Variants in DPP6 observed in about 807,000 individuals in gnomAD.
DPP6 encodes dipeptidyl peptidase like 6, also known as A-type potassium channel modulatory protein DPP6.
Under a neutral mutation model 122.6 loss-of-function variants are expected in DPP6, and 69 were observed. That is an observed-to-expected ratio of 0.56 (90% CI 0.46 to 0.69). DPP6 has a LOEUF of 0.69. Ranked by LOEUF, DPP6 falls within the 30% of genes least tolerant of loss-of-function variation. DPP6 has a pLI of 0.00. For synonymous variants in DPP6, 418 were observed against 433.1 expected, an observed-to-expected ratio of 0.97 and a Z score of 0.43; for missense variants, 928 against 1,116.9, an observed-to-expected ratio of 0.83 and a Z score of 2.41.
chr7:154,629,813 G>T (rs2130891718), intron 5 of DPP6, among the ~76,000 whole-genome samples: 1 of 152,226 alleles, frequency 6.6e-6, no homozygotes, highest in Admixed American at 6.5e-5. Context: ...TAAGTGGACT[G>T]CACTAATGCT....
At chr7:154,050,868 G>A (rs1037528212), upstream of DPP6, among the ~76,000 whole-genome samples, 2 of 145,556 alleles carry the variant, frequency 1.4e-5, no homozygotes, top group Non-Finnish European at 3.0e-5. Flanking sequence ...GAAGATGAGC[G>A]TGGTACAAAT....
At chr7:154,545,678 G>A (rs186931976) in intron 4 of DPP6, among the ~76,000 whole-genome samples, 1 of 152,288 alleles carries the variant, frequency 6.6e-6, no homozygotes, top group Admixed American at 6.5e-5. Flanking sequence ...TGTTTCACCA[G>A]TGCTTAATAT....
intron 1 of DPP6, among the ~76,000 whole-genome samples, chr7:154,427,947 T>G (rs1818047910): frequency 6.6e-6 from 1 of 152,256 alleles, no homozygotes; most frequent in Non-Finnish European, 1.5e-5. Context: ...GTGTGAGTGG[T>G]ATGGAAGCAC....
intron 1 of DPP6, among the ~76,000 whole-genome samples, chr7:154,344,065 G>A (rs548790831): frequency 1.3e-5 from 2 of 152,172 alleles, no homozygotes; most frequent in African/African-American, 4.8e-5. Flanking sequence ...CCATGACATG[G>A]CAGAAGAAGA....
intron 7 of DPP6, among the ~76,000 whole-genome samples, chr7:154,675,886 A>G (rs1039678713): frequency 6.6e-6 from 1 of 152,190 alleles, no homozygotes; most frequent in Non-Finnish European, 1.5e-5. Context: ...ATTTTTCACC[A>G]AGATCCTTAG....
At chr7:153,830,057 T>C in the DPP6 span, among the ~76,000 whole-genome samples, 1 of 152,232 alleles carries the variant, frequency 6.6e-6, no homozygotes, top group Non-Finnish European at 1.5e-5. Flanking sequence ...TATGTGTTTA[T>C]AGGAGACTGA....
At chr7:154,864,140 T>G (rs3800573) in intron 17 of DPP6, among the ~76,000 whole-genome samples, 1 of 152,062 alleles carries the variant, frequency 6.6e-6, no homozygotes, top group Admixed American at 6.5e-5. Context: ...CCTAAGCCTC[T>G]GCGTGCACAC....
At chr7:154,128,129 C>T (rs936897393) in intron 1 of DPP6, among the ~76,000 whole-genome samples, 5 of 150,678 alleles carry the variant, frequency 3.3e-5, no homozygotes, top group African/African-American at 1.2e-4. Context: ...CTCTCTGCCC[C>T]ATGCATGACT....
chr7:153,760,984 C>A, the DPP6 span, among the ~76,000 whole-genome samples: 3 of 152,120 alleles, frequency 2.0e-5, no homozygotes, highest in Non-Finnish European at 4.4e-5. Flanking sequence ...AGACTCTCAG[C>A]TCCATCTGTT....
intron 1 of DPP6, among the ~76,000 whole-genome samples, chr7:154,205,034 C>T (rs906521283): frequency 6.6e-6 from 1 of 152,096 alleles, no homozygotes; most frequent in Non-Finnish European, 1.5e-5. Context: ...TTTTCAATGC[C>T]ACTCTGATAC....
At chr7:154,204,783 T>TTG (rs71182884) in intron 1 of DPP6, among the ~76,000 whole-genome samples, 282 of 150,978 alleles carry the variant, frequency 1.9e-3, no homozygotes, top group African/African-American at 5.9e-3. Context: ...CTTGATGACC[T>TTG]TGTGTGTGTG....
At chr7:153,773,736 C>A in the DPP6 span, among the ~76,000 whole-genome samples, 1 of 150,768 alleles carries the variant, frequency 6.6e-6, no homozygotes, top group Admixed American at 6.6e-5. Flanking sequence ...CAACTAAATT[C>A]TTATGCTGGA....
rs1799962177 is a variant in DPP6 at position 154,045,215 on chromosome 7, A to AC, written c.51+157482dup. 4.0e-5 allele frequency among the ~76,000 whole-genome samples: 6 copies of AC among 150,842 alleles called. No homozygotes were observed. In the South Asian group the frequency reaches 1.0e-3, roughly 26 times the overall value. ...CTTAGAAAAGATAAAAAAAAAAAAA[A>AC]CACTCCCTCCCTCATTTAAATGGTT... is the stretch of plus-strand genomic sequence containing the variant. On this transcript the variant is annotated intron_variant, in intron 1 of 25. Transcript: ENST00000404039.
At chr7:154,646,027 CAAAAAAA>C (rs71184020) in intron 6 of DPP6, among the ~76,000 whole-genome samples, 2 of 57,944 alleles carry the variant, frequency 3.5e-5, no homozygotes, top group South Asian at 1.2e-3. Flanking sequence ...GACTCCGTCT[CAAAAAAA>C]AAAAAAAAAA....
At chr7:153,992,542 C>G (rs915854428) in intron 1 of DPP6, among the ~76,000 whole-genome samples, 5 of 152,110 alleles carry the variant, frequency 3.3e-5, no homozygotes, top group Non-Finnish European at 7.3e-5. Flanking sequence ...GGAACAGTCC[C>G]CTGGTGTGCC....
chr7:154,589,544 C>T (rs1832679696), intron 5 of DPP6, among the ~76,000 whole-genome samples: 1 of 152,232 alleles, frequency 6.6e-6, no homozygotes, highest in Admixed American at 6.5e-5. Flanking sequence ...AAATGGTCTA[C>T]AGTTGCACTG....
intron 4 of DPP6, 27 bp downstream of exon 4, chr7:154,540,653 T>A (rs1009988404): frequency 9.4e-6 from 13 of 1,375,692 alleles, no homozygotes; most frequent in Non-Finnish European, 1.3e-5. Flanking sequence ...ATGACCGGGA[T>A]AATTTCAGTT....
the DPP6 span, among the ~76,000 whole-genome samples, chr7:153,758,396 G>A: frequency 4.6e-5 from 7 of 152,170 alleles, no homozygotes; most frequent in South Asian, 1.0e-3. Flanking sequence ...TAGAATGTAC[G>A]GTTTAATAAG....
chr7:154,889,223 C>G, intron 23 of DPP6, 49 bp from the exon 24 acceptor site: 2 of 1,586,772 alleles, frequency 1.3e-6, no homozygotes, highest in Non-Finnish European at 1.7e-6. Context: ...ACACCTGGCT[C>G]CCTGCAGTGC....
Sources: gnomAD v4.1 joint callset for allele counts (sites outside exome capture counted in the v4.1 genomes callset) on GRCh38, gnomAD v4.1.1 for gene constraint, MANE v1.5 for transcripts, NCBI Gene and HGNC (gene_info 2026-07-23, HGNC 2026-07-21) for gene names.